The following PLCB1 variants were observed in gnomAD, a reference collection of about 807,000 sequenced individuals.
The protein encoded by PLCB1 is phospholipase C beta 1.
Under a neutral mutation model 161.8 loss-of-function variants are expected in PLCB1, and 46 were observed. The ratio of observed to expected loss-of-function variants is 0.28; its 90% CI spans 0.22 to 0.36. The LOEUF is 0.36. Among genes scored for constraint, PLCB1 ranks in the 10% least tolerant of loss-of-function variants. The pLI is 1.00. For missense variants in PLCB1, 1,016 were observed against 1,472.5 expected (o/e 0.69, Z 5.07); for synonymous variants, 517 against 503.7 (o/e 1.03, Z -0.35).
In PLCB1 at chr20:8,820,704, GT is replaced by G. The variant is rs567980700; in HGVS notation, c.3423+30444del. Among the ~76,000 whole-genome samples, 136 of 152,038 alleles carry G rather than the reference GT, an allele frequency of 8.9e-4. 1 individual carries two copies. The highest frequency in any genetic ancestry group is 1.6e-3 in the Non-Finnish European group (109 of 67,994). ...CAGAGTGTTCATAGCAACACTCTCT[GT>G]ACTAGAAAAAGAAATGAAAAATAAC... On this transcript the variant is annotated intron_variant, in intron 31 of 31. Transcript: ENST00000338037.
intron 11 of PLCB1, among the ~76,000 whole-genome samples, chr20:8,699,799 TGCAACTTA>T (rs1380310192): frequency 1.3e-5 from 2 of 152,354 alleles, no homozygotes; most frequent in South Asian, 2.1e-4. Context: ...TTTTCATTTA[TGCAACTTA>T]GCCTACAATG....
intron 3 of PLCB1, among the ~76,000 whole-genome samples, chr20:8,476,229 T>C (rs546115821): frequency 6.6e-6 from 1 of 152,246 alleles, no homozygotes; most frequent in South Asian, 2.1e-4. Flanking sequence ...AGAGGAGAAG[T>C]AAAAGTGTTG....
At chr20:8,141,518 G>C (rs904552737) in intron 1 of PLCB1, among the ~76,000 whole-genome samples, 3 of 151,512 alleles carry the variant, frequency 2.0e-5, no homozygotes, top group Non-Finnish European at 4.4e-5. Flanking sequence ...GACCACTCGA[G>C]AGGCTGAGGC....
intron 3 of PLCB1, among the ~76,000 whole-genome samples, chr20:8,389,131 G>A (rs557479570): frequency 3.9e-5 from 6 of 152,118 alleles, no homozygotes; most frequent in East Asian, 1.9e-4. Flanking sequence ...AAAAAAAATC[G>A]CAGATATGTT....
intron 2 of PLCB1, among the ~76,000 whole-genome samples, chr20:8,333,766 A>G (rs780489827): frequency 6.6e-6 from 1 of 152,210 alleles, no homozygotes; most frequent in African/African-American, 2.4e-5. Flanking sequence ...ATGTAGTTCA[A>G]TTCAACTGGT....
At chr20:8,642,615 G>A (rs1454526944) in intron 4 of PLCB1, among the ~76,000 whole-genome samples, 1 of 152,050 alleles carries the variant, frequency 6.6e-6, no homozygotes, top group Non-Finnish European at 1.5e-5. Context: ...TTAAAAAATA[G>A]GACCTTTACA....
chr20:8,274,065 A>G (rs1005746860), intron 2 of PLCB1, among the ~76,000 whole-genome samples: 1 of 148,684 alleles, frequency 6.7e-6, no homozygotes, highest in Non-Finnish European at 1.5e-5. Flanking sequence ...AACTAGCTGG[A>G]TATTTTCAGT....
intron 31 of PLCB1, among the ~76,000 whole-genome samples, chr20:8,854,892 AAT>A (rs1987017809): frequency 6.6e-6 from 1 of 152,334 alleles, no homozygotes; most frequent in African/African-American, 2.4e-5. Flanking sequence ...TTCCTTGCAT[AAT>A]TTTAAATACA....
At chr20:8,461,900 T>C (rs1482740675) in intron 3 of PLCB1, among the ~76,000 whole-genome samples, 1 of 152,178 alleles carries the variant, frequency 6.6e-6, no homozygotes, top group Admixed American at 6.6e-5. Context: ...CATAACTCTA[T>C]CTCATCTTAA....
At chr20:8,532,898 A>G (rs985712538) in intron 3 of PLCB1, among the ~76,000 whole-genome samples, 7 of 151,932 alleles carry the variant, frequency 4.6e-5, no homozygotes, top group African/African-American at 2.4e-5. Context: ...GTTGTAGGGT[A>G]CATGTGCACA....
chr20:8,392,192 T>A (rs1424206423), intron 3 of PLCB1, among the ~76,000 whole-genome samples: 2 of 152,066 alleles, frequency 1.3e-5, no homozygotes, highest in Non-Finnish European at 2.9e-5. Context: ...ATGAATGTGA[T>A]TAAGGTCCTT....
intron 3 of PLCB1, among the ~76,000 whole-genome samples, chr20:8,503,075 T>C (rs1003084177): frequency 2.0e-5 from 3 of 152,116 alleles, no homozygotes; most frequent in Admixed American, 1.3e-4. Flanking sequence ...TGGACAATGA[T>C]AGAATGAGAA....
chr20:8,861,693 G>T (rs1371205949), intron 31 of PLCB1, among the ~76,000 whole-genome samples: 1 of 138,258 alleles, frequency 7.2e-6, no homozygotes, highest in African/African-American at 2.8e-5. Context: ...TCGTGCCACT[G>T]CACTCCAGCC....
chr20:8,847,952 G>A (rs543885915), intron 31 of PLCB1, among the ~76,000 whole-genome samples: 4 of 152,240 alleles, frequency 2.6e-5, no homozygotes, highest in South Asian at 2.1e-4. Flanking sequence ...AAATCAAGGC[G>A]CCAGCAGGTT....
intron 2 of PLCB1, among the ~76,000 whole-genome samples, chr20:8,297,344 C>T (rs1447225261): frequency 6.6e-6 from 1 of 152,012 alleles, no homozygotes; most frequent in Non-Finnish European, 1.5e-5. Flanking sequence ...GTCAATCTTT[C>T]CCCATTTCTG....
At position 8,208,601 on chromosome 20, in the gene PLCB1, TTTAGTA is replaced by T. The variant is rs1271668990; in HGVS notation, c.177+58232_177+58237del. 0.019 allele frequency among the ~76,000 whole-genome samples: 16 copies of T among 842 alleles called. No homozygotes were observed. The Admixed American group carries it at 0.28, about 15-fold the overall frequency. 0.6% of individuals were successfully genotyped at this position (842 alleles called of 152,430 possible). A position where few individuals can be genotyped will look rare whatever the true frequency, so the allele number is the denominator to read the frequency against. On this transcript the variant is annotated intron_variant, in intron 2 of 31. Transcript: ENST00000338037. Reference sequence around the variant, plus strand: ...TGTCTTAATAAAATGTAGAGCTATGTTTAGTATCATGGCATCTGTTTCCTAGATGTC... The same window carrying T: ...TGTCTTAATAAAATGTAGAGCTATGTTCATGGCATCTGTTTCCTAGATGTC...
At chr20:8,621,770 C>T (rs1411509348) in intron 3 of PLCB1, among the ~76,000 whole-genome samples, 9 of 152,128 alleles carry the variant, frequency 5.9e-5, no homozygotes, top group African/African-American at 2.2e-4. Context: ...TTAGAGTTTA[C>T]CATCAGGTGT....
At chr20:8,408,163 A>T (rs1978869076) in intron 3 of PLCB1, among the ~76,000 whole-genome samples, 1 of 152,246 alleles carries the variant, frequency 6.6e-6, no homozygotes, top group African/African-American at 2.4e-5. Flanking sequence ...ACAACAGCAG[A>T]AACAGTTTCC....
intron 3 of PLCB1, among the ~76,000 whole-genome samples, chr20:8,409,589 A>G (rs1004319684): frequency 2.6e-5 from 4 of 151,832 alleles, no homozygotes; most frequent in African/African-American, 7.3e-5. Context: ...CAGCCTCCCA[A>G]CTAACTGGGA....
Sources: gnomAD v4.1 joint callset for allele counts (sites outside exome capture counted in the v4.1 genomes callset) on GRCh38, gnomAD v4.1.1 for gene constraint, MANE v1.5 for transcripts, NCBI Gene and HGNC (gene_info 2026-07-23, HGNC 2026-07-21) for gene names.